The following APP variants were observed in gnomAD, a reference collection of about 807,000 sequenced individuals.
APP encodes the protein amyloid-beta precursor protein.
A neutral mutation model predicts 101.4 loss-of-function variants in APP; 31 were observed. The ratio of observed to expected loss-of-function variants is 0.31; its 90% CI spans 0.23 to 0.41. APP has a LOEUF of 0.41. Ranked by LOEUF, APP falls within the 10% of genes least tolerant of loss-of-function variation. APP has a pLI of 1.00. For synonymous variants in APP, 366 were observed against 364.4 expected (o/e 1.00, Z -0.05); for missense variants, 839 against 1,003.7 (o/e 0.84, Z 2.22).
chr21:26,155,150 C>T (rs2063348985), intron 1 of APP, among the ~76,000 whole-genome samples: 1 of 152,108 alleles, frequency 6.6e-6, no homozygotes, highest in African/African-American at 2.4e-5. Context: ...ACTCAGGAGG[C>T]TGAGGCAGGA....
chr21:26,001,367 T>C (rs1427931164), intron 6 of APP, among the ~76,000 whole-genome samples: 1 of 152,232 alleles, frequency 6.6e-6, no homozygotes, highest in Admixed American at 6.5e-5. Flanking sequence ...ATTCTCTCTC[T>C]GGGTTTGTGC....
chr21:26,032,724 G>C (rs1228409158), intron 5 of APP, among the ~76,000 whole-genome samples: 2 of 150,824 alleles, frequency 1.3e-5, no homozygotes, highest in Non-Finnish European at 1.5e-5. Context: ...TTGCTATTAG[G>C]TTTTGAAAAT....
intron 1 of APP, among the ~76,000 whole-genome samples, chr21:26,162,980 C>A (rs1483595444): frequency 2.0e-5 from 3 of 149,128 alleles, no homozygotes; most frequent in Admixed American, 6.7e-5. Flanking sequence ...GTTATCCCAG[C>A]ACTTTGGGAG....
chr21:26,039,514 T>A (rs546189671), intron 5 of APP, among the ~76,000 whole-genome samples: 5 of 152,340 alleles, frequency 3.3e-5, no homozygotes, highest in Non-Finnish European at 7.3e-5. Flanking sequence ...TTCAAATAAT[T>A]TCTAATATCA....
At chr21:26,029,494 T>C (rs3787641) in intron 5 of APP, among the ~76,000 whole-genome samples, 15,709 of 152,086 alleles carry the variant, frequency 0.1, 1,281 homozygotes, top group East Asian at 0.29. Flanking sequence ...TCCAGGTGTC[T>C]AGTGAGGCAT....
intron 6 of APP, 148 bp downstream of exon 6, chr21:26,021,692 A>C (rs1176454469): frequency 5.0e-6 from 6 of 1,205,346 alleles, no homozygotes; most frequent in Non-Finnish European, 6.9e-6. Flanking sequence ...TTAAACCAAA[A>C]AAATTTCACA....
intron 6 of APP, among the ~76,000 whole-genome samples, chr21:26,014,653 T>C (rs1334580750): frequency 2.6e-5 from 4 of 152,228 alleles, no homozygotes; most frequent in Non-Finnish European, 4.4e-5. Context: ...ACTTTGTTCC[T>C]ATCTCTGTGC....
At chr21:25,932,900 A>G (rs924322336) in intron 13 of APP, among the ~76,000 whole-genome samples, 13 of 152,338 alleles carry the variant, frequency 8.5e-5, no homozygotes, top group African/African-American at 3.1e-4. Flanking sequence ...GTAACAGGTA[A>G]TGAATGTACC....
intron 13 of APP, among the ~76,000 whole-genome samples, chr21:25,952,528 A>G (rs1386779913): frequency 6.6e-6 from 1 of 152,198 alleles, no homozygotes; most frequent in African/African-American, 2.4e-5. Flanking sequence ...GTTCTGTGGA[A>G]GTGTGACTAA....
chr21:26,047,493 T>C (rs1462067359), intron 5 of APP, among the ~76,000 whole-genome samples: 2 of 152,172 alleles, frequency 1.3e-5, no homozygotes, highest in East Asian at 1.9e-4. Flanking sequence ...ATGCAACACC[T>C]TTCTGGTTTT....
At chr21:25,963,771 A>G (rs1026042699) in intron 11 of APP, among the ~76,000 whole-genome samples, 1 of 152,180 alleles carries the variant, frequency 6.6e-6, no homozygotes, top group East Asian at 1.9e-4. Context: ...GGAAACTGCC[A>G]TGGGGACCTC....
At chr21:26,041,475 G>A (rs981417335) in intron 5 of APP, among the ~76,000 whole-genome samples, 2 of 152,142 alleles carry the variant, frequency 1.3e-5, no homozygotes, top group African/African-American at 4.8e-5. Context: ...GATACTGGAG[G>A]GAAGAAAAGA....
chr21:26,016,624 TGCAGTG>T (rs1302767296), intron 6 of APP, among the ~76,000 whole-genome samples: 1 of 152,074 alleles, frequency 6.6e-6, no homozygotes, highest in Non-Finnish European at 1.5e-5. Context: ...CAGGCTGGAG[TGCAGTG>T]GCACAATCTC....
At position 25,891,711 on chromosome 21, in the gene APP, A is replaced by C; in HGVS notation, c.2211+11T>G. The C allele has an allele frequency of 1.2e-6, 2 of 1,613,848 alleles. No homozygotes were observed. Among genetic ancestry groups the C allele is most frequent in the Non-Finnish European group, 1.7e-6 (2 of 1,179,702 alleles). On this transcript the variant is annotated intron_variant, in intron 17 of 17. Transcript: ENST00000346798. ...ATTCCCACTTGGAAACATGCAGTCA[A>C]GTTTACCTACCTCCACCACACCATG...
chr21:26,027,726 T>C (rs574418941), intron 5 of APP, among the ~76,000 whole-genome samples: 19 of 152,270 alleles, frequency 1.2e-4, no homozygotes, highest in Non-Finnish European at 2.6e-4. Context: ...TTGTGTGGTC[T>C]TAAAAAACTT....
At chr21:26,066,539 T>A (rs2046460280) in intron 3 of APP, among the ~76,000 whole-genome samples, 2 of 150,896 alleles carry the variant, frequency 1.3e-5, no homozygotes, top group African/African-American at 4.9e-5. Context: ...AAACCACCAT[T>A]CTGTTTTCCA....
In APP at chr21:25,956,510, TA is replaced by T. The variant is rs556615045; in HGVS notation, c.1459-756del. 1.1e-4 allele frequency among the ~76,000 whole-genome samples: 17 copies of T among 152,352 alleles called. 1 individual carries two copies. In the East Asian group the frequency reaches 3.3e-3, roughly 29 times the overall value. ...CTGGTCTTCAACAATTTCATCACTA[TA>T]TGCATTCCACTACATGATTTTGTAA... On this transcript the variant is annotated intron_variant, in intron 11 of 17. Coordinates refer to ENST00000346798, the MANE Select transcript of APP (RefSeq NM_000484.4).
At chr21:26,134,223 G>A (rs2062850586) in intron 1 of APP, among the ~76,000 whole-genome samples, 2 of 152,146 alleles carry the variant, frequency 1.3e-5, no homozygotes, top group African/African-American at 4.8e-5. Context: ...AATAATGGAT[G>A]CCAGCTGAGT....
chr21:25,909,971 A>G (rs1319575353), intron 14 of APP, among the ~76,000 whole-genome samples: 2 of 152,146 alleles, frequency 1.3e-5, no homozygotes, highest in African/African-American at 2.4e-5. Flanking sequence ...CAAATTAAGG[A>G]AACAAATTTG....
Sources: allele counts gnomAD v4.1 joint callset (sites outside exome capture counted in the v4.1 genomes callset), GRCh38; gene constraint gnomAD v4.1.1; transcripts MANE v1.5; gene names NCBI Gene and HGNC (gene_info 2026-07-23, HGNC 2026-07-21).